The following DAAM1 variants were observed in gnomAD, a reference collection of about 807,000 sequenced individuals.
The protein encoded by DAAM1 is disheveled-associated activator of morphogenesis 1.
In DAAM1, 52 loss-of-function variants were observed where a neutral mutation model predicts 130.0. That is an observed-to-expected ratio of 0.40 (90% CI 0.32 to 0.50). The LOEUF (loss-of-function observed/expected upper bound fraction) is 0.50, where lower values mean the gene tolerates loss of function less well. DAAM1 is among the 20% of genes least tolerant of loss of function. The pLI, the probability that DAAM1 is intolerant of heterozygous loss-of-function variation, is 0.61. For synonymous variants in DAAM1, 452 were observed against 444.5 expected (o/e 1.02, Z -0.21); for missense variants, 1,134 against 1,303.8 (o/e 0.87, Z 2.01).
At chr14:59,201,872 AAAGG>A (rs1311691313) in intron 1 of DAAM1, among the ~76,000 whole-genome samples, 13 of 152,210 alleles carry the variant, frequency 8.5e-5, no homozygotes, top group Non-Finnish European at 1.8e-4. Context: ...GAATTTGTGA[AAAGG>A]AAGGGTCTTT....
chr14:59,304,834 C>T (rs984240827), intron 3 of DAAM1, among the ~76,000 whole-genome samples: 1 of 152,212 alleles, frequency 6.6e-6, no homozygotes, highest in Non-Finnish European at 1.5e-5. Context: ...TCTGAGGATG[C>T]ATCCCTGAAT....
chr14:59,311,095 A>G (rs1884575148), intron 3 of DAAM1, among the ~76,000 whole-genome samples: 2 of 152,234 alleles, frequency 1.3e-5, no homozygotes, highest in Admixed American at 1.3e-4. Flanking sequence ...TAATTTTCTA[A>G]CTGCATTTTG....
In DAAM1 at chr14:59,197,163, G is replaced by T. The variant is rs372821937; in HGVS notation, c.-38+8395G>T. Among the ~76,000 whole-genome samples, 18 of 152,274 alleles carry T rather than the reference G, an allele frequency of 1.2e-4. No individual in the cohort carries two copies. The South Asian group carries it at 1.5e-3, about 12-fold the overall frequency. ...TCTCGATCTCCTGACCTCGTGATCCGCCCGACTCAGCCTCCCAAAGTGCTG... is the reference window on the plus strand; with the variant it reads ...TCTCGATCTCCTGACCTCGTGATCCTCCCGACTCAGCCTCCCAAAGTGCTG... On this transcript the variant is annotated intron_variant, in intron 1 of 24. Transcript: ENST00000360909.
intron 1 of DAAM1, among the ~76,000 whole-genome samples, chr14:59,195,569 G>T (rs970164327): frequency 6.6e-6 from 1 of 152,036 alleles, no homozygotes; most frequent in East Asian, 1.9e-4. Flanking sequence ...CACAATTAAG[G>T]TCACCTATTA....
rs1218038801 is a variant in DAAM1, at chr14:59,296,003, A to T, written c.273+4697A>T. The stretch of plus-strand genomic sequence containing the variant: ...TAGACTTCAGTGACAGTATTACTAG[A>T]CTTCTTCAGAAGTACCTGGTTTAGT... On this transcript the variant is annotated intron_variant, in intron 3 of 24. Transcript: ENST00000360909. Among the ~76,000 whole-genome samples the T allele has an allele frequency of 3.3e-5, 5 of 152,192 alleles. No individual in the cohort carries two copies. In the East Asian group the frequency reaches 7.7e-4, roughly 23 times the overall value.
intron 3 of DAAM1, among the ~76,000 whole-genome samples, chr14:59,295,519 C>T (rs1016131494): frequency 2.6e-5 from 4 of 152,150 alleles, no homozygotes; most frequent in African/African-American, 4.8e-5. Flanking sequence ...GTCCACCACA[C>T]GTACAAAAAG....
chr14:59,259,554 G>A (rs1249268696), intron 1 of DAAM1, among the ~76,000 whole-genome samples: 1 of 152,186 alleles, frequency 6.6e-6, no homozygotes, highest in African/African-American at 2.4e-5. Context: ...CTTGTCAGTA[G>A]TCCCAGAATG....
Position 59,235,297 on chromosome 14 carries a change from A to G in DAAM1, c.-37-28144A>G, listed in dbSNP as rs1889257885. On this transcript the variant is annotated intron_variant, in intron 1 of 24. Transcript: ENST00000360909. ...CTGAGCTTTTTTTGGTTGGTAGGCT[A>G]TTAATTACTACCTCAATTTCAGAAC... Among the ~76,000 whole-genome samples, 5 of 152,172 alleles carry G rather than the reference A, an allele frequency of 3.3e-5. No homozygotes were observed. The South Asian group carries it at 8.3e-4, about 25-fold the overall frequency.
chr14:59,236,517 T>C (rs1300916560), intron 1 of DAAM1, among the ~76,000 whole-genome samples: 2 of 152,176 alleles, frequency 1.3e-5, no homozygotes, highest in Non-Finnish European at 2.9e-5. Flanking sequence ...TGCATGGCTG[T>C]CTTCTTGTCG....
At chr14:59,226,256 G>GT (rs1157055912) in intron 1 of DAAM1, among the ~76,000 whole-genome samples, 4 of 152,122 alleles carry the variant, frequency 2.6e-5, no homozygotes, top group Non-Finnish European at 5.9e-5. Context: ...TTGTACCTCT[G>GT]TAAGAGCATA....
chr14:59,202,098 G>A (rs192931621), intron 1 of DAAM1, among the ~76,000 whole-genome samples: 216 of 152,274 alleles, frequency 1.4e-3, no homozygotes, highest in African/African-American at 5.1e-3. Context: ...AAAATTCAGC[G>A]GGAGAGTAGT....
chr14:59,335,030 T>A (rs754477007), intron 15 of DAAM1, among the ~76,000 whole-genome samples: 1 of 152,178 alleles, frequency 6.6e-6, no homozygotes, highest in African/African-American at 2.4e-5. Flanking sequence ...TCCTTAATGC[T>A]CACCCCCAAC....
Position 59,319,960 on chromosome 14 carries a change from G to A in DAAM1, c.346-530G>A, listed in dbSNP as rs187529529. 2.7e-3 allele frequency among the ~76,000 whole-genome samples: 413 copies of A among 151,958 alleles called. 1 individual carries two copies. Among genetic ancestry groups the A allele is most frequent in the Non-Finnish European group, 4.0e-3 (271 of 67,966 alleles). Reference sequence around the variant, plus strand: ...CACACACACACTCACTCCATATCCTGATTTCTAAATGATGTTGAATAATTT... The same window carrying A: ...CACACACACACTCACTCCATATCCTAATTTCTAAATGATGTTGAATAATTT... On this transcript the variant is annotated intron_variant, in intron 4 of 24. Transcript: ENST00000360909.
intron 1 of DAAM1, among the ~76,000 whole-genome samples, chr14:59,240,155 GA>G (rs2139459955): frequency 6.6e-6 from 1 of 152,306 alleles, no homozygotes; most frequent in South Asian, 2.1e-4. Flanking sequence ...ATTGTGGCTA[GA>G]GGGGGGTATG....
intron 3 of DAAM1, among the ~76,000 whole-genome samples, chr14:59,304,193 C>G (rs142919133): frequency 6.6e-6 from 1 of 152,246 alleles, no homozygotes; most frequent in African/African-American, 2.4e-5. Context: ...TGAAAGACAT[C>G]AATATGGAAA....
intron 2 of DAAM1, among the ~76,000 whole-genome samples, chr14:59,282,671 T>G (rs1883278109): frequency 1.3e-5 from 2 of 152,194 alleles, no homozygotes; most frequent in South Asian, 4.1e-4. Context: ...CTCCACTGTT[T>G]ACCAGCTTTG....
At chr14:59,200,662 T>G (rs1432971032) in intron 1 of DAAM1, among the ~76,000 whole-genome samples, 2 of 152,250 alleles carry the variant, frequency 1.3e-5, no homozygotes, top group African/African-American at 4.8e-5. Context: ...AGCATATATT[T>G]TCATATAAAA....
At chr14:59,250,338 A>G (rs575710610) in intron 1 of DAAM1, among the ~76,000 whole-genome samples, 1 of 152,380 alleles carries the variant, frequency 6.6e-6, no homozygotes, top group Admixed American at 6.5e-5. Flanking sequence ...TGCATCTAAC[A>G]TTACATTGAA....
chr14:59,252,145 A>G (rs1465437011), intron 1 of DAAM1, among the ~76,000 whole-genome samples: 26 of 152,222 alleles, frequency 1.7e-4, no homozygotes, highest in Admixed American at 1.7e-3. Context: ...TGTGTTCAGA[A>G]TGATCTTTCT....
Sources: gnomAD v4.1 joint callset for allele counts (sites outside exome capture counted in the v4.1 genomes callset) on GRCh38, gnomAD v4.1.1 for gene constraint, MANE v1.5 for transcripts, NCBI Gene and HGNC (gene_info 2026-07-23, HGNC 2026-07-21) for gene names.